AK7: variants seen among roughly 807,000 people sequenced by gnomAD.
AK7 encodes adenylate kinase 7, also known as ATP-AMP transphosphorylase 7.
A neutral mutation model predicts 96.6 loss-of-function variants in AK7; 78 were observed. That is an observed-to-expected ratio of 0.81 (90% CI 0.67 to 0.97). The LOEUF (loss-of-function observed/expected upper bound fraction) is 0.97. Ranked by LOEUF, AK7 falls within the 50% of genes least tolerant of loss-of-function variation. The pLI is 0.00. For missense variants in AK7, 855 were observed against 887.9 expected (o/e 0.96, Z 0.47); for synonymous variants, 302 against 317.2 (o/e 0.95, Z 0.51).
intron 16 of AK7, among the ~76,000 whole-genome samples, chr14:96,485,660 T>G (rs1279551780): frequency 3.3e-5 from 5 of 152,220 alleles, no homozygotes; most frequent in Non-Finnish European, 5.9e-5. Context: ...TAACATTATT[T>G]ATGGTATTTT....
intron 2 of AK7, among the ~76,000 whole-genome samples, chr14:96,403,279 G>A (rs1462573750): frequency 6.6e-6 from 1 of 151,922 alleles, no homozygotes; most frequent in Admixed American, 6.6e-5. Flanking sequence ...TCAGGGTGAT[G>A]CATATACAAG....
At chr14:96,476,641 T>C (rs1320785926) in intron 14 of AK7, among the ~76,000 whole-genome samples, 3 of 151,896 alleles carry the variant, frequency 2.0e-5, no homozygotes, top group African/African-American at 7.3e-5. Flanking sequence ...GCAAGGACAA[T>C]AGATGTTCTG....
chr14:96,392,487 A>C (rs898247340), intron 1 of AK7, among the ~76,000 whole-genome samples: 4 of 152,210 alleles, frequency 2.6e-5, no homozygotes, highest in African/African-American at 9.6e-5. Context: ...TCACTGGTCC[A>C]TCCCCTGTTC....
intron 14 of AK7, among the ~76,000 whole-genome samples, chr14:96,474,576 GATTAC>G (rs1467248196): frequency 6.6e-6 from 1 of 151,776 alleles, no homozygotes; most frequent in East Asian, 1.9e-4. Context: ...CAGGTGCCCT[GATTAC>G]ACCACTGCAC....
At chr14:96,454,438 G>C (rs1893775189) in intron 10 of AK7, among the ~76,000 whole-genome samples, 1 of 151,242 alleles carries the variant, frequency 6.6e-6, no homozygotes, top group African/African-American at 2.4e-5. Flanking sequence ...CAGGAGAAAT[G>C]GTGTTTTTTT....
At chr14:96,424,070 G>C in intron 5 of AK7, 1 of 716,198 alleles carries the variant, frequency 1.4e-6, no homozygotes, top group Non-Finnish European at 2.6e-6. Context: ...ATGCTGGTGG[G>C]TCTGTTCTTC....
chr14:96,434,671 C>T (rs548214500), intron 5 of AK7, among the ~76,000 whole-genome samples: 1 of 152,198 alleles, frequency 6.6e-6, no homozygotes, highest in Non-Finnish European at 1.5e-5. Flanking sequence ...GTTTCCTTCC[C>T]TTCAGGGTGG....
rs185565195 is a variant in AK7, at chr14:96,451,579, C to G, written c.1098+9C>G. 2.1e-6 allele frequency: 3 copies of G among 1,445,678 alleles called. No individual in the cohort carries two copies. The highest frequency in any genetic ancestry group is 1.4e-5 in the African/African-American group (1 of 69,848). 89.6% of individuals were successfully genotyped at this position (1,445,678 alleles called of 1,614,324 possible). ...AAAGCAGAGGATTGATGGTAACTAT[C>G]ACTGTTTCCCACTGAAACTTCTGAT... On this transcript the variant is annotated intron_variant, in intron 10 of 17. Transcript: ENST00000267584.
intron 12 of AK7, among the ~76,000 whole-genome samples, chr14:96,468,061 AC>A (rs1894671727): frequency 1.0e-5 from 1 of 100,130 alleles, no homozygotes; most frequent in Admixed American, 1.4e-4. Context: ...GCATAGCAAG[AC>A]CCCGTCTCTA....
chr14:96,486,503 C>G (rs920549735), intron 16 of AK7, among the ~76,000 whole-genome samples: 1 of 152,136 alleles, frequency 6.6e-6, no homozygotes, highest in Non-Finnish European at 1.5e-5. Context: ...TCAAACCAAA[C>G]CACTAGGCTG....
At chr14:96,395,161 C>T (rs1452402355) in intron 1 of AK7, among the ~76,000 whole-genome samples, 1 of 152,154 alleles carries the variant, frequency 6.6e-6, no homozygotes, top group Non-Finnish European at 1.5e-5. Flanking sequence ...TAACTTTTGT[C>T]TCCCCAGAAC....
chr14:96,463,130 C>T (rs889542057), intron 12 of AK7, among the ~76,000 whole-genome samples: 1 of 145,688 alleles, frequency 6.9e-6, no homozygotes, highest in African/African-American at 2.5e-5. Flanking sequence ...GGGCAAGACT[C>T]CGCCTCAAAA....
intron 10 of AK7, among the ~76,000 whole-genome samples, chr14:96,455,356 G>A (rs1476859483): frequency 6.6e-6 from 1 of 152,036 alleles, no homozygotes; most frequent in East Asian, 1.9e-4. Flanking sequence ...ATGGTGGTGT[G>A]CCTCTGTAGT....
intron 1 of AK7, 88 bp from the exon 2 acceptor site, chr14:96,397,987 G>A (rs1309445817): frequency 2.3e-5 from 32 of 1,385,506 alleles, no homozygotes; most frequent in Admixed American, 9.6e-5. Flanking sequence ...GCAAGCACTC[G>A]GGAAAGGTAA....
intron 4 of AK7, among the ~76,000 whole-genome samples, chr14:96,413,570 A>G (rs774796942): frequency 5.9e-5 from 9 of 152,178 alleles, no homozygotes; most frequent in Non-Finnish European, 1.2e-4. Flanking sequence ...GTTTGGATTT[A>G]GGAGTAGTAC....
chr14:96,458,188 A>G lies in AK7; in HGVS notation c.1333A>G (p.Lys445Glu). 1 of 1,614,034 alleles carries G rather than the reference A, an allele frequency of 6.2e-7. No homozygotes were observed. Among genetic ancestry groups the G allele is most frequent in the Non-Finnish European group, 8.5e-7 (1 of 1,179,918 alleles). The change falls in exon 12 of 18, where the codon AAG becomes GAG. Residue 445 changes from lysine (K) to glutamate (E), a missense_variant. Lys to Glu is a moderately conservative substitution (Grantham distance 56, BLOSUM62 1). Coordinates refer to ENST00000267584, the MANE Select transcript of AK7 (RefSeq NM_152327.5). ...TGCACAGGAGCTCCTAGATGGCATC[A>G]AGGAGAGCATGGAGCAGAATGCAGG... ...EDAQELLDGI[K>E]ESMEQNAGQL...
At chr14:96,431,387 G>T (rs1175982370) in intron 5 of AK7, among the ~76,000 whole-genome samples, 1 of 152,242 alleles carries the variant, frequency 6.6e-6, no homozygotes, top group East Asian at 1.9e-4. Context: ...GCTTTCTCTT[G>T]TGGGTATTTA....
At chr14:96,420,008 C>T (rs1440064394) in intron 4 of AK7, among the ~76,000 whole-genome samples, 2 of 150,520 alleles carry the variant, frequency 1.3e-5, no homozygotes, top group Non-Finnish European at 3.0e-5. Flanking sequence ...AGGCTGGTCT[C>T]GTGCCTGCCA....
At chr14:96,450,715 T>TGA (rs1415162453) in intron 9 of AK7, among the ~76,000 whole-genome samples, 5 of 151,624 alleles carry the variant, frequency 3.3e-5, no homozygotes, top group Non-Finnish European at 5.9e-5. Context: ...TTGGTTTCCT[T>TGA]GAGGAGCAGA....
Sources: gnomAD v4.1 joint callset for allele counts (sites outside exome capture counted in the v4.1 genomes callset) on GRCh38, gnomAD v4.1.1 for gene constraint, MANE v1.5 for transcripts, NCBI Gene and HGNC (gene_info 2026-07-23, HGNC 2026-07-21) for gene names.